Variants in HPSE2 observed in about 807,000 individuals in gnomAD.
HPSE2 encodes heparanase 2 (inactive).
In HPSE2, 38 loss-of-function variants were observed where a neutral mutation model predicts 60.5. That is an observed-to-expected ratio of 0.63 (90% CI 0.48 to 0.82). The LOEUF (loss-of-function observed/expected upper bound fraction) is 0.82. HPSE2 is among the 40% of genes least tolerant of loss of function. The pLI is 0.00. For missense variants in HPSE2, 713 were observed against 740.4 expected (o/e 0.96, Z 0.43); for synonymous variants, 295 against 293.2 (o/e 1.01, Z -0.06).
intron 6 of HPSE2, among the ~76,000 whole-genome samples, chr10:98,680,948 G>T (rs1947770457): frequency 6.6e-6 from 1 of 151,880 alleles, no homozygotes; most frequent in African/African-American, 2.4e-5. Context: ...TAGAGACAGG[G>T]TTTCTCTACT....
chr10:98,637,211 AGAATTCTTCT>A (rs1409851291), intron 7 of HPSE2, among the ~76,000 whole-genome samples: 1 of 152,208 alleles, frequency 6.6e-6, no homozygotes, highest in Non-Finnish European at 1.5e-5. Context: ...CAGAAAACTG[AGAATTCTTCT>A]CTAAGTGGCA....
chr10:99,050,882 G>T (rs1564766311), intron 3 of HPSE2, among the ~76,000 whole-genome samples: 1 of 152,014 alleles, frequency 6.6e-6, no homozygotes, highest in African/African-American at 2.4e-5. Context: ...ACGGTACAAT[G>T]TTTAAGTTAC....
At chr10:98,467,626 C>T (rs975239272) in intron 11 of HPSE2, among the ~76,000 whole-genome samples, 1 of 152,178 alleles carries the variant, frequency 6.6e-6, no homozygotes, top group Admixed American at 6.5e-5. Context: ...AGAGGTCACT[C>T]TTGTCCTACA....
intron 2 of HPSE2, among the ~76,000 whole-genome samples, chr10:99,155,196 A>AGACAGAAAGTCAACAAG (rs1846485913): frequency 6.9e-6 from 1 of 144,014 alleles, no homozygotes; most frequent in East Asian, 2.1e-4. Context: ...CAGATCAATG[A>AGACAGAAAGTCAACAAG]GACAGAAAGT....
At chr10:98,879,251 A>G (rs943042815) in intron 3 of HPSE2, among the ~76,000 whole-genome samples, 4 of 152,026 alleles carry the variant, frequency 2.6e-5, no homozygotes, top group Non-Finnish European at 5.9e-5. Flanking sequence ...ACCATGGTAC[A>G]TGTAAGTATA....
the HPSE2 span, among the ~76,000 whole-genome samples, chr10:99,284,328 A>G: frequency 6.6e-6 from 1 of 152,102 alleles, no homozygotes; most frequent in South Asian, 2.1e-4. Context: ...ACAAAGTCCA[A>G]TACCTTCTCA....
intron 3 of HPSE2, among the ~76,000 whole-genome samples, chr10:98,765,256 G>A (rs1227514180): frequency 6.6e-6 from 1 of 152,000 alleles, no homozygotes; most frequent in Non-Finnish European, 1.5e-5. Flanking sequence ...ACCATATTCT[G>A]GGCCATAACT....
chr10:98,501,266 C>G (rs1175340026), intron 9 of HPSE2, among the ~76,000 whole-genome samples: 1 of 152,114 alleles, frequency 6.6e-6, no homozygotes, highest in East Asian at 1.9e-4. Context: ...AGACCAATAT[C>G]CTTGATGAAC....
At chr10:98,554,178 C>A (rs1943939199) in intron 9 of HPSE2, among the ~76,000 whole-genome samples, 1 of 152,206 alleles carries the variant, frequency 6.6e-6, no homozygotes, top group Admixed American at 6.5e-5. Context: ...TTACCTCTCC[C>A]AGCATCCTGC....
intron 2 of HPSE2, among the ~76,000 whole-genome samples, chr10:99,206,768 AC>A (rs2133898010): frequency 6.6e-6 from 1 of 151,946 alleles, no homozygotes; most frequent in Admixed American, 6.6e-5. Context: ...CAATGAATCA[AC>A]TGAAAAATGC....
intron 3 of HPSE2, among the ~76,000 whole-genome samples, chr10:98,950,740 A>G (rs976086460): frequency 5.3e-5 from 8 of 152,172 alleles, no homozygotes; most frequent in African/African-American, 1.9e-4. Context: ...CACTCAATAA[A>G]CAAATCAGCA....
chr10:98,499,179 C>A (rs1212007469), intron 9 of HPSE2, among the ~76,000 whole-genome samples: 2 of 152,134 alleles, frequency 1.3e-5, no homozygotes, highest in Non-Finnish European at 2.9e-5. Context: ...ACAAAAAGAT[C>A]ATCACCTAGG....
intron 9 of HPSE2, among the ~76,000 whole-genome samples, chr10:98,559,548 T>C (rs1194025154): frequency 1.3e-5 from 2 of 152,160 alleles, no homozygotes; most frequent in African/African-American, 2.4e-5. Context: ...ATGCCCCAAG[T>C]CCTTCTCACT....
intron 3 of HPSE2, among the ~76,000 whole-genome samples, chr10:98,777,694 A>G (rs977757865): frequency 5.9e-5 from 9 of 152,156 alleles, no homozygotes; most frequent in South Asian, 2.1e-4. Context: ...TTAAGCCCTG[A>G]TAAAAATTCT....
intron 3 of HPSE2, among the ~76,000 whole-genome samples, chr10:98,775,288 T>C (rs1950315260): frequency 6.6e-6 from 1 of 152,352 alleles, no homozygotes; most frequent in South Asian, 2.1e-4. Context: ...ATTTGCATAT[T>C]GTGCCTCAGC....
chr10:98,933,324 A>T (rs1251033716), intron 3 of HPSE2, among the ~76,000 whole-genome samples: 1 of 144,086 alleles, frequency 6.9e-6, no homozygotes, highest in African/African-American at 2.8e-5. Context: ...CTGTGGTCTG[A>T]GAGACTTATG....
intron 6 of HPSE2, among the ~76,000 whole-genome samples, chr10:98,692,534 C>T (rs1419845929): frequency 6.6e-6 from 1 of 151,888 alleles, no homozygotes; most frequent in Admixed American, 6.6e-5. Context: ...TTTGGGAGGC[C>T]GAGGTGGGTG....
At chr10:98,912,309 T>A (rs17110998) in intron 3 of HPSE2, among the ~76,000 whole-genome samples, 1 of 152,210 alleles carries the variant, frequency 6.6e-6, no homozygotes, top group Non-Finnish European at 1.5e-5. Context: ...CTTCCAGCAA[T>A]GTCATTTGGT....
chr10:98,459,759 T>C lies in HPSE2; in HGVS notation c.1614-20A>G. The stretch of plus-strand genomic sequence containing the variant: ...ACTGACCTACAGTGAGGAAAAACAG[T>C]ATGGGACTCATTATTGCATTATAAG... On this transcript the variant is annotated intron_variant, in intron 11 of 11. Coordinates refer to ENST00000370552, the MANE Select transcript of HPSE2 (RefSeq NM_021828.5). 1 of 1,607,790 alleles carries C rather than the reference T, an allele frequency of 6.2e-7. No homozygotes were observed. The highest frequency in any genetic ancestry group is 1.1e-5 in the South Asian group (1 of 90,178).
Sources: allele counts gnomAD v4.1 joint callset (sites outside exome capture counted in the v4.1 genomes callset), GRCh38; gene constraint gnomAD v4.1.1; transcripts MANE v1.5; gene names NCBI Gene and HGNC (gene_info 2026-07-23, HGNC 2026-07-21).